The following RNF19A variants were observed in gnomAD, a reference collection of about 807,000 sequenced individuals.
RNF19A encodes the protein ring finger protein 19A, RBR E3 ubiquitin protein ligase.
RNF19A carries 32 observed loss-of-function variants against 75.7 expected under a neutral mutation model. The observed-to-expected ratio is 0.42, with a 90% CI of 0.32 to 0.57. The LOEUF is 0.57. Among genes scored for constraint, RNF19A ranks in the 20% least tolerant of loss-of-function variants. The pLI, the probability that RNF19A is intolerant of heterozygous loss-of-function variation, is 0.10. For synonymous variants in RNF19A, 335 were observed against 345.2 expected (o/e 0.97, Z 0.33); for missense variants, 782 against 1,036.3 (o/e 0.75, Z 3.37).
Position 100,259,124 on chromosome 8 carries a change from G to A in RNF19A, c.1949C>T (p.Ser650Phe). 6.2e-7 allele frequency: 1 copy of A among 1,614,162 alleles called. No individual in the cohort carries two copies. Among genetic ancestry groups the A allele is most frequent in the Non-Finnish European group, 8.5e-7 (1 of 1,180,034 alleles). ...AGATTTACCTTCAGGCAAGCCACTG[G>A]ATGAACCGCCAGCATGACTTCGGGT... ...SATRSHAGGS[S>F]SGLPEGKSSA... The change falls in exon 10 of 10, where the codon TCC becomes TTC. Residue 650 changes from serine (S) to phenylalanine (F), a missense_variant. Physicochemically the swap from Ser to Phe is radical, Grantham distance 155 (BLOSUM62 -2). Transcript: ENST00000341084. This position sits in a 1 kb window ranked among gnomAD's most constrained non-coding sequence, Gnocchi z 4.5.
chr8:100,299,481 C>T (rs368751554), intron 1 of RNF19A, among the ~76,000 whole-genome samples: 9 of 152,132 alleles, frequency 5.9e-5, no homozygotes, highest in Admixed American at 3.3e-4. Flanking sequence ...GTGTTTGGAC[C>T]GGGTGCGGTG....
chr8:100,283,726 T>C (rs1820888879), intron 2 of RNF19A, among the ~76,000 whole-genome samples: 2 of 152,208 alleles, frequency 1.3e-5, no homozygotes, highest in Admixed American at 6.5e-5. Flanking sequence ...AAAATGTTCA[T>C]ACCTATAAAT....
upstream of RNF19A, among the ~76,000 whole-genome samples, chr8:100,312,649 C>T (rs564770874): frequency 5.9e-5 from 9 of 152,070 alleles, no homozygotes; most frequent in African/African-American, 2.2e-4. Flanking sequence ...GAAAACCGGG[C>T]GCAGTGGCTC....
chr8:100,318,237 T>C (rs1822411804), intron 1 of RNF19A, among the ~76,000 whole-genome samples: 1 of 152,222 alleles, frequency 6.6e-6, no homozygotes, highest in South Asian at 2.1e-4. Flanking sequence ...GAAACCTAAT[T>C]GTGGAACTGA....
In RNF19A at chr8:100,258,428, A is replaced by G; in HGVS notation, c.*128T>C. On this transcript the variant is annotated 3_prime_UTR_variant, in exon 10 of 10. Coordinates refer to ENST00000341084, the MANE Select transcript of RNF19A (RefSeq NM_183419.4). This position sits in a 1 kb window ranked among gnomAD's most constrained non-coding sequence, Gnocchi z 4.3. The stretch of plus-strand genomic sequence containing the variant: ...CACACAATGCCTTGCTGAACACAGA[A>G]AATGTATCTGCATTATGATAATGAA... 1.4e-6 allele frequency: 1 copy of G among 721,292 alleles called. No homozygotes were observed. Among genetic ancestry groups the G allele is most frequent in the Non-Finnish European group, 2.3e-6 (1 of 436,288 alleles). 44.7% of individuals were successfully genotyped at this position (721,292 alleles called of 1,614,324 possible).
chr8:100,300,832 G>A (rs1465047534), intron 1 of RNF19A, among the ~76,000 whole-genome samples: 1 of 152,190 alleles, frequency 6.6e-6, no homozygotes, highest in Non-Finnish European at 1.5e-5. Context: ...AACAGAGTGA[G>A]TCTTTTAAGT....
At chr8:100,294,216 A>G (rs947155886) in intron 1 of RNF19A, among the ~76,000 whole-genome samples, 1 of 152,178 alleles carries the variant, frequency 6.6e-6, no homozygotes, top group African/African-American at 2.4e-5. Context: ...CTTCTCCTGA[A>G]GAGTGAGGAC....
rs921265964 is a variant in RNF19A, at chr8:100,329,593, G to A, written c.-243+6515C>T. 6.6e-6 allele frequency among the ~76,000 whole-genome samples: 1 copy of A among 152,218 alleles called. No homozygotes were observed. ...GGCTTATATTTAAGCACATTTTAAA[G>A]AGAGACACATGCAAACTAGCATGAA... On this transcript the variant is annotated intron_variant, in intron 1 of 3. Transcript: ENST00000519527. This position sits in a 1 kb window ranked among gnomAD's most constrained non-coding sequence, Gnocchi z 4.3.
At chr8:100,278,750 A>T (rs1820641257) in intron 2 of RNF19A, among the ~76,000 whole-genome samples, 1 of 152,122 alleles carries the variant, frequency 6.6e-6, no homozygotes, top group African/African-American at 2.4e-5. Context: ...GAACTGACCT[A>T]ATTTTTAATT....
At chr8:100,309,158 TG>T (rs1815685260) in intron 1 of RNF19A, 2 of 246,844 alleles carry the variant, frequency 8.1e-6, no homozygotes, top group Non-Finnish European at 1.3e-5. Context: ...GGGCGAGGGC[TG>T]GGAACACCCT....
chr8:100,272,232 A>G (rs1016043434), intron 3 of RNF19A, among the ~76,000 whole-genome samples: 1 of 152,194 alleles, frequency 6.6e-6, no homozygotes, highest in Non-Finnish European at 1.5e-5. Flanking sequence ...AGCTATAAAA[A>G]AGAGCCTCAA....
intron 1 of RNF19A, among the ~76,000 whole-genome samples, chr8:100,326,100 G>A (rs989252222): frequency 1.3e-5 from 2 of 152,038 alleles, no homozygotes; most frequent in Non-Finnish European, 1.5e-5. Context: ...GTCTATTGCC[G>A]TTTTCAGTCT....
chr8:100,285,832 A>C (rs2129905341), intron 2 of RNF19A, among the ~76,000 whole-genome samples: 1 of 152,096 alleles, frequency 6.6e-6, no homozygotes, highest in South Asian at 2.1e-4. Context: ...AATTTAGAGG[A>C]ATGTATGAAG....
rs532851718 is a variant in RNF19A at position 100,330,911 on chromosome 8, C to T, written c.-243+5197G>A. ...CATTAATGCGAAAAGTGCAGACTGG[C>T]TCCAAGGCTCTGAGCTGGTCTTTCT... On this transcript the variant is annotated intron_variant, in intron 1 of 3. Transcript: ENST00000519527. This position sits in a 1 kb window ranked among gnomAD's most constrained non-coding sequence, Gnocchi z 4.1. Among the ~76,000 whole-genome samples, 38 of 152,352 alleles carry T rather than the reference C, an allele frequency of 2.5e-4. No individual in the cohort carries two copies. The highest frequency in any genetic ancestry group is 8.9e-4 in the African/African-American group (37 of 41,578).
rs575805188 is a variant in RNF19A at position 100,258,065 on chromosome 8, T to A, written c.*491A>T. 1 of 398,618 alleles carries A rather than the reference T, an allele frequency of 2.5e-6. No homozygotes were observed. Among genetic ancestry groups the A allele is most frequent in the African/African-American group, 2.1e-5 (1 of 48,560 alleles). 24.7% of individuals were successfully genotyped at this position (398,618 alleles called of 1,614,324 possible). ...CCACATTGCATATGAAGAAAAAAAATGAAATTTATGCCGATATAAATAGAA... is the reference window on the plus strand; with the variant it reads ...CCACATTGCATATGAAGAAAAAAAAAGAAATTTATGCCGATATAAATAGAA... On this transcript the variant is annotated 3_prime_UTR_variant, in exon 10 of 10. Coordinates refer to ENST00000341084, the MANE Select transcript of RNF19A (RefSeq NM_183419.4). This position sits in a 1 kb window ranked among gnomAD's most constrained non-coding sequence, Gnocchi z 4.3.
Position 100,287,108 on chromosome 8 carries a change from G to GA in RNF19A, c.674+392dup, listed in dbSNP as rs995915488. Among the ~76,000 whole-genome samples the GA allele has an allele frequency of 1.3e-5, 2 of 151,250 alleles. No individual in the cohort carries two copies. The highest frequency in any genetic ancestry group is 1.9e-4 in the East Asian group (1 of 5,162). On this transcript the variant is annotated intron_variant, in intron 2 of 9. Coordinates refer to ENST00000341084, the MANE Select transcript of RNF19A (RefSeq NM_183419.4). This position sits in a 1 kb window ranked among gnomAD's most constrained non-coding sequence, Gnocchi z 4.1. ...CATATGAGAAACATGTCAACAAAGA[G>GA]AAAAAAAATAAAGAAGGTCATTTGA...
intron 1 of RNF19A, among the ~76,000 whole-genome samples, chr8:100,328,108 C>T (rs1822561995): frequency 1.3e-5 from 2 of 152,198 alleles, no homozygotes; most frequent in Admixed American, 1.3e-4. Flanking sequence ...GTGGTATCTA[C>T]ATCCCCCCAC....
intron 3 of RNF19A, among the ~76,000 whole-genome samples, chr8:100,273,215 A>T (rs1250020081): frequency 3.3e-5 from 5 of 152,114 alleles, no homozygotes; most frequent in South Asian, 2.1e-4. Context: ...GTTTTTTTTT[A>T]AAACAATCGC....
intron 7 of RNF19A, among the ~76,000 whole-genome samples, chr8:100,262,442 T>C (rs989304135): frequency 6.6e-6 from 1 of 152,174 alleles, no homozygotes; most frequent in African/African-American, 2.4e-5. Flanking sequence ...GGAAAGAGTA[T>C]TCCAGACAGA....
Sources: allele counts gnomAD v4.1 joint callset (sites outside exome capture counted in the v4.1 genomes callset), GRCh38; gene constraint gnomAD v4.1.1; non-coding constraint Gnocchi (gnomAD v3.1); transcripts MANE v1.5; gene names NCBI Gene and HGNC (gene_info 2026-07-23, HGNC 2026-07-21).